STARD13: variants seen among roughly 807,000 people sequenced by gnomAD.
The protein encoded by STARD13 is stAR-related lipid transfer protein 13.
STARD13 carries 62 observed loss-of-function variants against 106.4 expected under a neutral mutation model. That is an observed-to-expected ratio of 0.58 (90% CI 0.48 to 0.72). The LOEUF (loss-of-function observed/expected upper bound fraction) is 0.72. Ranked by LOEUF, STARD13 falls within the 30% of genes least tolerant of loss-of-function variation. The pLI, the probability that STARD13 is intolerant of heterozygous loss-of-function variation, is 0.00. For synonymous variants in STARD13, 565 were observed against 553.0 expected (o/e 1.02, Z -0.31); for missense variants, 1,387 against 1,424.0 (o/e 0.97, Z 0.42).
At chr13:33,216,943 A>C (rs1429886161) in intron 1 of STARD13, among the ~76,000 whole-genome samples, 1 of 152,186 alleles carries the variant, frequency 6.6e-6, no homozygotes, top group African/African-American at 2.4e-5. Context: ...CAGGCCATAC[A>C]GGGAATCAAG....
chr13:33,611,676 T>C, the STARD13 span, among the ~76,000 whole-genome samples: 1 of 152,202 alleles, frequency 6.6e-6, no homozygotes, highest in African/African-American at 2.4e-5. Flanking sequence ...TTTTGACAGC[T>C]AGATAAGCAG....
the STARD13 span, among the ~76,000 whole-genome samples, chr13:33,470,861 C>T: frequency 2.0e-5 from 3 of 151,926 alleles, no homozygotes; most frequent in Non-Finnish European, 2.9e-5. Flanking sequence ...AAATTTTATC[C>T]CTTTCTGTAG....
At chr13:33,221,078 C>A (rs2138176523) in intron 1 of STARD13, among the ~76,000 whole-genome samples, 1 of 152,026 alleles carries the variant, frequency 6.6e-6, no homozygotes, top group South Asian at 2.1e-4. Flanking sequence ...TCGTCATCAA[C>A]TTAAAAAAAA....
chr13:33,530,102 C>T, the STARD13 span, among the ~76,000 whole-genome samples: 6 of 150,822 alleles, frequency 4.0e-5, no homozygotes, highest in African/African-American at 1.2e-4. Context: ...ACTTAATTCT[C>T]CCTTGCCTCT....
chr13:33,195,528 T>C (rs1886551582), intron 1 of STARD13, among the ~76,000 whole-genome samples: 2 of 152,174 alleles, frequency 1.3e-5, no homozygotes, highest in African/African-American at 4.8e-5. Flanking sequence ...TATTTTTCTA[T>C]GTGAAGGATA....
chr13:33,597,662 A>T, the STARD13 span, among the ~76,000 whole-genome samples: 1 of 151,598 alleles, frequency 6.6e-6, no homozygotes, highest in Admixed American at 6.6e-5. Flanking sequence ...CCTGACCAAC[A>T]TGGAGAAACC....
At chr13:33,359,057 T>A in the STARD13 span, among the ~76,000 whole-genome samples, 2 of 152,124 alleles carry the variant, frequency 1.3e-5, no homozygotes, top group African/African-American at 4.8e-5. Context: ...ATCAGCAGGA[T>A]GTGGGTGGGG....
At chr13:33,236,792 T>C (rs1889212318) in intron 1 of STARD13, among the ~76,000 whole-genome samples, 1 of 152,238 alleles carries the variant, frequency 6.6e-6, no homozygotes, top group Non-Finnish European at 1.5e-5. Context: ...TGGCTCACAA[T>C]AGCTACTCAA....
chr13:33,542,430 G>A, the STARD13 span, among the ~76,000 whole-genome samples: 1 of 152,230 alleles, frequency 6.6e-6, no homozygotes, highest in Admixed American at 6.5e-5. Context: ...CCGTGGGCGG[G>A]ATTTAAAACA....
intron 1 of STARD13, among the ~76,000 whole-genome samples, chr13:33,300,396 A>G (rs951070265): frequency 1.3e-5 from 2 of 152,200 alleles, no homozygotes; most frequent in African/African-American, 2.4e-5. Flanking sequence ...TATGTGGTCA[A>G]CTGAATCAGA....
chr13:33,371,360 A>C, the STARD13 span, among the ~76,000 whole-genome samples: 2 of 152,212 alleles, frequency 1.3e-5, no homozygotes, highest in Non-Finnish European at 2.9e-5. Context: ...GACTGATGCC[A>C]TTAAGGATTT....
At chr13:33,258,238 G>A (rs1012953661) in intron 1 of STARD13, among the ~76,000 whole-genome samples, 2 of 152,158 alleles carry the variant, frequency 1.3e-5, no homozygotes, top group African/African-American at 4.8e-5. Context: ...CTTTTATCTG[G>A]CGTAGTTAAA....
chr13:33,177,973 G>T (rs1233970093), intron 1 of STARD13, among the ~76,000 whole-genome samples: 1 of 13,638 alleles, frequency 7.3e-5, no homozygotes, highest in Non-Finnish European at 1.2e-4. Context: ...AGGAAGGAAG[G>T]AAGGAAGGAA....
the STARD13 span, among the ~76,000 whole-genome samples, chr13:33,587,082 G>A: frequency 6.6e-6 from 1 of 152,084 alleles, no homozygotes. Flanking sequence ...TGGGTGTGGT[G>A]GCAGGCGCCT....
exon 1 of STARD13, chr13:33,350,479 G>C (rs2078065546): frequency 2.7e-6 from 4 of 1,481,134 alleles, no homozygotes; most frequent in Non-Finnish European, 3.6e-6. Flanking sequence ...CCGCGACTCA[G>C]ACTCCCGGCG....
intron 4 of STARD13, among the ~76,000 whole-genome samples, chr13:33,132,164 C>A (rs1404317546): frequency 5.3e-5 from 8 of 152,154 alleles, no homozygotes; most frequent in African/African-American, 1.9e-4. Context: ...GAGTACAAAG[C>A]CAAGGTACAG....
chr13:33,614,632 A>G, the STARD13 span, among the ~76,000 whole-genome samples: 1 of 152,208 alleles, frequency 6.6e-6, no homozygotes, highest in African/African-American at 2.4e-5. Context: ...AAAAAACAAA[A>G]CAAAACAGGG....
chr13:33,200,252 C>G (rs1886921182), intron 1 of STARD13, among the ~76,000 whole-genome samples: 1 of 152,224 alleles, frequency 6.6e-6, no homozygotes, highest in South Asian at 2.1e-4. Context: ...CTTCAGCTAG[C>G]CGCTTGCTCT....
chr13:33,621,887 C>T, the STARD13 span, among the ~76,000 whole-genome samples: 1 of 151,094 alleles, frequency 6.6e-6, no homozygotes, highest in African/African-American at 2.4e-5. Flanking sequence ...TCACTGCAAC[C>T]TCCCCCTCCC....
Sources: gnomAD v4.1 joint callset for allele counts (sites outside exome capture counted in the v4.1 genomes callset) on GRCh38, gnomAD v4.1.1 for gene constraint, MANE v1.5 for transcripts, NCBI Gene and HGNC (gene_info 2026-07-23, HGNC 2026-07-21) for gene names.